SCNM1: variants seen among roughly 807,000 people sequenced by gnomAD.
The protein encoded by SCNM1 is sodium channel modifier 1.
In SCNM1, 24 loss-of-function variants were observed where a neutral mutation model predicts 32.8. The observed-to-expected ratio is 0.73, with a 90% CI of 0.53 to 1.03. SCNM1 has a LOEUF of 1.03. Among genes scored for constraint, SCNM1 ranks in the 50% least tolerant of loss-of-function variants. The probability of loss-of-function intolerance (pLI) is 0.00; values close to 1 mark genes in which losing one functional copy is unlikely to be tolerated. For missense variants in SCNM1, 274 were observed against 282.3 expected (o/e 0.97, Z 0.21); for synonymous variants, 99 against 103.2 (o/e 0.96, Z 0.25).
In SCNM1 at chr1:151,169,546, G is replaced by A. The variant is rs587598014; in HGVS notation, c.*461G>A. 1.5e-4 allele frequency: 28 copies of A among 181,186 alleles called. 1 individual carries two copies. The South Asian group carries it at 2.1e-3, about 14-fold the overall frequency. The allele number at this position is 181,186 out of a possible 1,614,324, so 11.2% of individuals were successfully genotyped here. A position where few individuals can be genotyped will look rare whatever the true frequency, so the allele number is the denominator to read the frequency against. ...GGCATGAGCCACCGCACCCAGCCAC[G>A]GCTATCCATACTTCTAACCCCTCCC... On this transcript the variant is annotated 3_prime_UTR_variant, in exon 7 of 7. Coordinates refer to ENST00000368905, the MANE Select transcript of SCNM1 (RefSeq NM_024041.4).
At chr1:151,166,604 T>TC in intron 2 of SCNM1, 63 bp downstream of exon 2, 1 of 1,561,784 alleles carries the variant, frequency 6.4e-7, no homozygotes, top group East Asian at 2.3e-5. Flanking sequence ...AGACTTTTTT[T>TC]TTTTTTTCCT....
In SCNM1 at chr1:151,170,086, T is replaced by A. The variant is rs747816307; in HGVS notation, c.*1001T>A. On this transcript the variant is annotated 3_prime_UTR_variant, in exon 7 of 7. Coordinates refer to ENST00000368905, the MANE Select transcript of SCNM1 (RefSeq NM_024041.4). ...TGGTAAAGGGAAATGCAGTGTTATC[T>A]CTTCTTTTGCTGGCGACCTGTAAAG... 1.2e-6 allele frequency: 2 copies of A among 1,614,224 alleles called. No homozygotes were observed. The highest frequency in any genetic ancestry group is 2.2e-5 in the South Asian group (2 of 91,082).
chr1:151,169,034 TG>T lies in SCNM1; in HGVS notation c.643del (p.Val215LeufsTer26), dbSNP rs1283614392. 6.2e-7 allele frequency: 1 copy of T among 1,613,970 alleles called. No individual in the cohort carries two copies. Among genetic ancestry groups the T allele is most frequent in the South Asian group, 1.1e-5 (1 of 91,072 alleles). ...GRGRWVKDEN[V>X]EFDSDEEEPP... ...GAGGTCGATGGGTAAAAGATGAAAATGTTGAGTTTGACTCTGATGAGGAGGA... is the reference window on the plus strand; with the variant it reads ...GAGGTCGATGGGTAAAAGATGAAAATTTGAGTTTGACTCTGATGAGGAGGA... On this transcript the variant is annotated frameshift_variant, in exon 7 of 7. Transcript: ENST00000368905. LOFTEE classifies it high-confidence loss of function.
rs1482607506 is a variant in SCNM1, at chr1:151,169,369, T to C, written c.*284T>C. The C allele has an allele frequency of 1.1e-5, 3 of 265,840 alleles. No homozygotes were observed. The highest frequency in any genetic ancestry group is 2.2e-5 in the Non-Finnish European group (3 of 138,408). The allele number at this position is 265,840 out of a possible 1,614,324, so 16.5% of individuals were successfully genotyped here. The stretch of plus-strand genomic sequence containing the variant: ...ACGCCTTTCTCCTGCCTCAGCCTCC[T>C]GAGTAGCTGGGACTACAGGCGCCCG... On this transcript the variant is annotated 3_prime_UTR_variant, in exon 7 of 7. Transcript: ENST00000368905.
intron 5 of SCNM1, 104 bp from the exon 6 acceptor site, chr1:151,168,040 T>A: frequency 8.0e-7 from 1 of 1,255,692 alleles, no homozygotes; most frequent in Non-Finnish European, 1.1e-6. Context: ...CTTATTAATA[T>A]CTTGAGAAAT....
chr1:151,167,551 G>C, intron 5 of SCNM1, 137 bp downstream of exon 5: 1 of 1,274,564 alleles, frequency 7.8e-7, no homozygotes, highest in South Asian at 1.2e-5. Context: ...GAGAATTTTG[G>C]CTGGGCGCGG....
In SCNM1 at chr1:151,167,118, C is replaced by A; in HGVS notation, c.212-3C>A. ...TTTTAATTCTGTTTCCCTTTCTCCTCAGGCTTGCAGCTTTTCTATGGCAAG... is the reference window on the plus strand; with the variant it reads ...TTTTAATTCTGTTTCCCTTTCTCCTAAGGCTTGCAGCTTTTCTATGGCAAG... On this transcript the variant is annotated splice_polypyrimidine_tract_variant and splice_region_variant and intron_variant, in intron 3 of 6. Transcript: ENST00000368905. The A allele has an allele frequency of 6.2e-7, 1 of 1,614,190 alleles. No individual in the cohort carries two copies. Among genetic ancestry groups the A allele is most frequent in the Non-Finnish European group, 8.5e-7 (1 of 1,180,036 alleles).
rs1683782322 is a variant in SCNM1, at chr1:151,167,919, GA to G, written c.399-223del. The G allele has an allele frequency of 4.0e-5, 18 of 451,402 alleles. No homozygotes were observed. The East Asian group carries it at 6.3e-4, about 16-fold the overall frequency. The allele number at this position is 451,402 out of a possible 1,614,324, so 28.0% of individuals were successfully genotyped here. A position where few individuals can be genotyped will look rare whatever the true frequency, so the allele number is the denominator to read the frequency against. On this transcript the variant is annotated intron_variant, in intron 5 of 6. Transcript: ENST00000368905. ...GAAATGGCACTTTGTAATTCTACTT[GA>G]AGAATAACAGTTTTAAAAACTATAC...
chr1:151,168,864 C>T, intron 6 of SCNM1, 122 bp from the exon 7 acceptor site: 5 of 732,576 alleles, frequency 6.8e-6, no homozygotes, highest in Non-Finnish European at 1.0e-5. Context: ...TCTCGAACTC[C>T]TGACCTCAAG....
intron 2 of SCNM1, 25 bp downstream of exon 2, chr1:151,166,566 C>G (rs1054102324): frequency 1.2e-6 from 2 of 1,612,376 alleles, no homozygotes; most frequent in African/African-American, 2.7e-5. Flanking sequence ...TGGCTCAAGC[C>G]TGAGGGTTCT....
Position 151,169,585 on chromosome 1 carries a change from A to C in SCNM1, c.*500A>C. On this transcript the variant is annotated 3_prime_UTR_variant, in exon 7 of 7. Transcript: ENST00000368905. ...CTAACCCCTCCCCCACCTCCTACCA[A>C]AGCCATGCCAAGCGTCAGCTGCATC... 5.5e-6 allele frequency: 1 copy of C among 182,632 alleles called. No individual in the cohort carries two copies. Among genetic ancestry groups the C allele is most frequent in the East Asian group, 1.4e-4 (1 of 7,154 alleles). The allele number at this position is 182,632 out of a possible 1,614,324, so 11.3% of individuals were successfully genotyped here. A position where few individuals can be genotyped will look rare whatever the true frequency, so the allele number is the denominator to read the frequency against.
chr1:151,168,388 CT>C (rs1199673716), intron 6 of SCNM1, 50 bp downstream of exon 6: 5 of 1,521,874 alleles, frequency 3.3e-6, no homozygotes, highest in Non-Finnish European at 4.4e-6. Context: ...CTCTGACACC[CT>C]TGTTTCAAAG....
At chr1:151,168,448 GC>G in intron 6 of SCNM1, 110 bp downstream of exon 6, 1 of 1,402,234 alleles carries the variant, frequency 7.1e-7, no homozygotes, top group Non-Finnish European at 9.3e-7. Flanking sequence ...CACTCTTGTT[GC>G]CCCAGCTGGA....
Position 151,170,099 on chromosome 1 carries a change from G to A in SCNM1, c.*1014G>A, listed in dbSNP as rs1463474691. On this transcript the variant is annotated 3_prime_UTR_variant, in exon 7 of 7. Coordinates refer to ENST00000368905, the MANE Select transcript of SCNM1 (RefSeq NM_024041.4). ...TGCAGTGTTATCTCTTCTTTTGCTG[G>A]CGACCTGTAAAGGAGCAATATTAAA... 1.2e-6 allele frequency: 2 copies of A among 1,614,132 alleles called. No individual in the cohort carries two copies. The highest frequency in any genetic ancestry group is 1.7e-6 in the Non-Finnish European group (2 of 1,180,026).
At position 151,168,216 on chromosome 1, in the gene SCNM1, G is replaced by C. The variant is rs767333472; in HGVS notation, c.471G>C (p.Lys157Asn). 6.2e-7 allele frequency: 1 copy of C among 1,614,166 alleles called. No homozygotes were observed. The highest frequency in any genetic ancestry group is 1.7e-5 in the Admixed American group (1 of 60,012). Residue 157 changes from lysine to asparagine, a missense_variant, in exon 6 of 7, where the codon AAG (lysine) becomes AAC (asparagine). Lys to Asn is a moderately conservative substitution (Grantham distance 94, BLOSUM62 0). Transcript: ENST00000368905. ...CAGAGGTCAAACTCCAAAGTGGGAA[G>C]ATCAGTAGGGAACCTGAACCTGCGG... The part of the protein sequence containing the change: ...PPSEVKLQSG[K>N]ISREPEPAAG...
rs909813877 is a variant in SCNM1 at position 151,169,791 on chromosome 1, G to A, written c.*706G>A. ...GGCTGTGGCTAAGTTCCCTGTGAAA[G>A]TAGAAGAGTCAAAAGGCATTGGCAG... On this transcript the variant is annotated 3_prime_UTR_variant, in exon 7 of 7. Coordinates refer to ENST00000368905, the MANE Select transcript of SCNM1 (RefSeq NM_024041.4). 3 of 432,882 alleles carry A rather than the reference G, an allele frequency of 6.9e-6. No individual in the cohort carries two copies. Among genetic ancestry groups the A allele is most frequent in the South Asian group, 5.2e-5 (2 of 38,514 alleles). The allele number at this position is 432,882 out of a possible 1,614,324, so 26.8% of individuals were successfully genotyped here.
At position 151,166,193 on chromosome 1, in the gene SCNM1, A is replaced by G. The variant is rs149471504; in HGVS notation, c.41A>G (p.Asn14Ser). 843 of 1,603,318 alleles carry G rather than the reference A, an allele frequency of 5.3e-4. 1 individual carries two copies. Among genetic ancestry groups the G allele is most frequent in the Non-Finnish European group, 6.5e-4 (768 of 1,174,260 alleles). Residue 14 changes from asparagine to serine, a missense_variant, in exon 1 of 7, where the codon AAT becomes AGT. Physicochemically the swap from Asn to Ser is conservative, Grantham distance 46. Transcript: ENST00000368905. ...GAAGGAGACGATTGGAGTCAACTCA[A>G]TGTGCTCAAAGTAAGCGTGAGCGGA... ...KREGDDWSQL[N>S]VLKKRRVGDL...
chr1:151,167,356 A>G lies in SCNM1; in HGVS notation c.340A>G (p.Thr114Ala), dbSNP rs763237849. The change falls in exon 5 of 7, where the codon ACC (threonine) becomes GCC (alanine). Residue 114 changes from threonine to alanine, a missense_variant. Thr to Ala is a moderately conservative substitution (Grantham distance 58). Transcript: ENST00000368905. ...APLLTQTRLI[T>A]QSALHRAPHY... ...TCTGCTAACTCAGACACGACTTATCACCCAGAGTGCTCTGCACAGAGCTCC... is the reference window on the plus strand; with the variant it reads ...TCTGCTAACTCAGACACGACTTATCGCCCAGAGTGCTCTGCACAGAGCTCC... 7 of 1,614,084 alleles carry G rather than the reference A, an allele frequency of 4.3e-6. No homozygotes were observed. Among genetic ancestry groups the G allele is most frequent in the Non-Finnish European group, 5.9e-6 (7 of 1,180,018 alleles).
At position 151,166,164 on chromosome 1, in the gene SCNM1, G is replaced by C. The variant is rs749078327; in HGVS notation, c.12G>C (p.Lys4Asn). Residue 4 changes from lysine (K) to asparagine (N), a missense_variant, in exon 1 of 7, where the codon AAG becomes AAC. By Grantham distance (94) the Lys-to-Asn change is moderately conservative. Coordinates refer to ENST00000368905, the MANE Select transcript of SCNM1 (RefSeq NM_024041.4). ...GACTCACAGTCGTGATGTCTTTCAA[G>C]AGGGAAGGAGACGATTGGAGTCAAC... The part of the protein sequence containing the change: MSF[K>N]REGDDWSQLN... 3 of 1,606,512 alleles carry C rather than the reference G, an allele frequency of 1.9e-6. No individual in the cohort carries two copies. Among genetic ancestry groups the C allele is most frequent in the Non-Finnish European group, 2.6e-6 (3 of 1,176,066 alleles).
Sources: gnomAD v4.1 joint callset for allele counts on GRCh38, gnomAD v4.1.1 for gene constraint, MANE v1.5 for transcripts, NCBI Gene and HGNC (gene_info 2026-07-23, HGNC 2026-07-21) for gene names.